The following RRBP1 variants were observed in gnomAD, a reference collection of about 807,000 sequenced individuals.
RRBP1 encodes ribosome binding protein 1, also known as ribosome-binding protein 1.
Under a neutral mutation model 165.2 loss-of-function variants are expected in RRBP1, and 94 were observed. The ratio of observed to expected loss-of-function variants is 0.57; its 90% CI spans 0.48 to 0.68. RRBP1 has a LOEUF of 0.68. Among genes scored for constraint, RRBP1 ranks in the 30% least tolerant of loss-of-function variants. The probability of loss-of-function intolerance (pLI) is 0.00; values close to 1 mark genes in which losing one functional copy is unlikely to be tolerated. For missense variants in RRBP1, 1,676 were observed against 1,763.0 expected (o/e 0.95, Z 0.88); for synonymous variants, 680 against 714.5 (o/e 0.95, Z 0.77).
intron 2 of RRBP1, among the ~76,000 whole-genome samples, chr20:17,673,857 A>G (rs750393285): frequency 6.6e-6 from 1 of 152,216 alleles, no homozygotes; most frequent in African/African-American, 2.4e-5. Flanking sequence ...CACATTACCA[A>G]TAAGACTTTT....
rs745656532 is a variant in RRBP1, at chr20:17,619,695, G to A, written c.3613C>T (p.Leu1205=). The change falls in exon 19 of 25, where the codon CTG becomes TTG. Residue 1205 remains leucine (L), a synonymous_variant. Coordinates refer to ENST00000377813, the MANE Select transcript of RRBP1 (RefSeq NM_001365613.2). Reference sequence around the variant, plus strand: ...CTGGCGGCCGCCATGTGCTTTTCCAGCTCTGCCTCCAAATGCGACGTGTGC... The same window carrying A: ...CTGGCGGCCGCCATGTGCTTTTCCAACTCTGCCTCCAAATGCGACGTGTGC... The part of the protein sequence containing the change: ...REHTSHLEAE[L]EKHMAAASAE... 6.2e-7 allele frequency: 1 copy of A among 1,613,018 alleles called. No homozygotes were observed. Among genetic ancestry groups the A allele is most frequent in the Non-Finnish European group, 8.5e-7 (1 of 1,179,824 alleles).
chr20:17,666,561 C>A (rs1364397183), intron 2 of RRBP1, among the ~76,000 whole-genome samples: 2 of 152,124 alleles, frequency 1.3e-5, no homozygotes, highest in South Asian at 2.1e-4. Context: ...TTTGTAGATT[C>A]TTTCTGATTT....
chr20:17,615,971 C>T lies in RRBP1; in HGVS notation c.3906G>A (p.Glu1302=), dbSNP rs780036021. 1.9e-6 allele frequency: 3 copies of T among 1,609,396 alleles called. No homozygotes were observed. In the South Asian group the frequency reaches 3.3e-5, roughly 18 times the overall value. Residue 1302 remains glutamate, a synonymous_variant, in exon 22 of 25, where the codon GAG becomes GAA. Coordinates refer to ENST00000377813, the MANE Select transcript of RRBP1 (RefSeq NM_001365613.2). ...TQLEWTEAIL[E]DEQTQRQKLT... is the part of the protein sequence containing the mutation. ...GCTTCTGCCGCTGTGTCTGCTCATC[C>T]TCCAGGATGGCTTCTGTCCACTCCA...
chr20:17,618,524 A>G (rs551453251), intron 20 of RRBP1, 72 bp downstream of exon 20: 6 of 1,158,370 alleles, frequency 5.2e-6, no homozygotes, highest in Non-Finnish European at 7.8e-6. Context: ...CAAACGCATG[A>G]CTGGCAAATG....
intron 12 of RRBP1, 54 bp from the exon 13 acceptor site, chr20:17,624,722 CT>C: frequency 3.8e-6 from 5 of 1,324,134 alleles, no homozygotes; most frequent in Non-Finnish European, 4.2e-6. Flanking sequence ...CACGGGCTGC[CT>C]AAGCTGGTGT....
intron 5 of RRBP1, among the ~76,000 whole-genome samples, chr20:17,637,814 C>G (rs6044925): frequency 0.03 from 4,633 of 152,246 alleles, 236 homozygotes; most frequent in African/African-American, 0.1. Flanking sequence ...GTGAGAGGCC[C>G]ACAGGAACCT....
chr20:17,648,841 T>TC (rs1317598929), intron 3 of RRBP1, among the ~76,000 whole-genome samples: 1 of 152,212 alleles, frequency 6.6e-6, no homozygotes, highest in Admixed American at 6.5e-5. Context: ...GCAAGGCCCT[T>TC]CCCAAGGCAC....
intron 9 of RRBP1, among the ~76,000 whole-genome samples, chr20:17,627,976 T>A (rs1411671131): frequency 1.3e-5 from 2 of 152,200 alleles, no homozygotes; most frequent in African/African-American, 4.8e-5. Context: ...CTGAGGCTTT[T>A]AAAGATTCAT....
In RRBP1 at chr20:17,627,378, C is replaced by G. The variant is rs758396658; in HGVS notation, c.2933G>C (p.Ser978Thr). The change falls in exon 11 of 25, where the codon AGC (serine) becomes ACC (threonine). Residue 978 changes from serine (S) to threonine (T), a missense_variant. Coordinates refer to ENST00000377813, the MANE Select transcript of RRBP1 (RefSeq NM_001365613.2). ...CTGCTGCTGGTCAGCCTCCGCCTGG[C>G]TGGCCTGGAATGAGAGACAAAAGCT... ...QARDAQDVQASQAEADQQQTR... is the reference protein window; with the variant it reads ...QARDAQDVQATQAEADQQQTR... The G allele has an allele frequency of 2.0e-5, 33 of 1,614,026 alleles. 1 individual carries two copies. The South Asian group carries it at 3.5e-4, about 17-fold the overall frequency.
At chr20:17,624,784 A>G in intron 12 of RRBP1, 116 bp from the exon 13 acceptor site, 2 of 720,332 alleles carry the variant, frequency 2.8e-6, no homozygotes, top group Non-Finnish European at 4.8e-6. Context: ...TGGCCCACAG[A>G]GGACCTGCCA....
In RRBP1 at chr20:17,659,772, G is replaced by A; in HGVS notation, c.736C>T (p.Pro246Ser). The stretch of plus-strand genomic sequence containing the variant: ...CCTTCTGCCTTTTTGCCTTGGTTTG[G>A]GGTTCCCTCTGCCTTTTTCCCTTGG... ...PNQGKKAEGT[P>S]NQGKKAEGTP... Residue 246 changes from proline to serine, a missense_variant, in exon 3 of 25, where the codon CCA (proline) becomes TCA (serine). Physicochemically the swap from Pro to Ser is moderately conservative, Grantham distance 74. Transcript: ENST00000377813. The A allele has an allele frequency of 6.4e-7, 1 of 1,550,446 alleles. No homozygotes were observed. The highest frequency in any genetic ancestry group is 8.7e-7 in the Non-Finnish European group (1 of 1,146,914).
chr20:17,619,615 C>A lies in RRBP1; in HGVS notation c.3675+18G>T. 1 of 1,595,882 alleles carries A rather than the reference C, an allele frequency of 6.3e-7. No individual in the cohort carries two copies. Among genetic ancestry groups the A allele is most frequent in the South Asian group, 1.1e-5 (1 of 89,222 alleles). Reference sequence around the variant, plus strand: ...GATCTGCTGGGCAGGGGCTGCACTCCTTGGGGGGCAGACTCACCCCTGCCA... The same window carrying A: ...GATCTGCTGGGCAGGGGCTGCACTCATTGGGGGGCAGACTCACCCCTGCCA... On this transcript the variant is annotated intron_variant, in intron 19 of 24. Transcript: ENST00000377813.
At position 17,618,514 on chromosome 20, in the gene RRBP1, C is replaced by G. The variant is rs144982920; in HGVS notation, c.3759+82G>C. 4 of 1,110,234 alleles carry G rather than the reference C, an allele frequency of 3.6e-6. No homozygotes were observed. The African/African-American group carries it at 4.6e-5, about 13-fold the overall frequency. 68.8% of individuals were successfully genotyped at this position (1,110,234 alleles called of 1,614,324 possible). On this transcript the variant is annotated intron_variant, in intron 20 of 24. Coordinates refer to ENST00000377813, the MANE Select transcript of RRBP1 (RefSeq NM_001365613.2). The stretch of plus-strand genomic sequence containing the variant: ...CCTAGGCTTTATCTTTGAGTGGACA[C>G]AAACGCATGACTGGCAAATGCATCT...
In RRBP1 at chr20:17,673,520, T is replaced by C. The variant is rs544202778; in HGVS notation, c.-22+6479A>G. ...GCCTCCCGGGTTCAATTGATTCTCC[T>C]GCCTCAGCCTCCCAAGTAGCTGCGA... On this transcript the variant is annotated intron_variant, in intron 2 of 24. Transcript: ENST00000377813. Among the ~76,000 whole-genome samples the C allele has an allele frequency of 9.4e-4, 143 of 152,312 alleles. 1 individual carries two copies. The highest frequency in any genetic ancestry group is 3.3e-3 in the African/African-American group (139 of 41,562).
At chr20:17,634,080 C>T (rs2036203484) in intron 7 of RRBP1, among the ~76,000 whole-genome samples, 1 of 152,188 alleles carries the variant, frequency 6.6e-6, no homozygotes, top group African/African-American at 2.4e-5. Context: ...CAAAACAGAC[C>T]CTTCAGGACT....
chr20:17,666,326 C>G (rs1653056156), intron 2 of RRBP1, among the ~76,000 whole-genome samples: 1 of 149,202 alleles, frequency 6.7e-6, no homozygotes, highest in African/African-American at 2.5e-5. Context: ...AGCATCATAG[C>G]AAGACCCTGT....
chr20:17,614,244 G>GA, intron 24 of RRBP1, 24 bp from the exon 25 acceptor site: 15 of 1,611,294 alleles, frequency 9.3e-6, no homozygotes, highest in Non-Finnish European at 1.3e-5. Context: ...CAGGTGGCGT[G>GA]AGGGGGGCTG....
rs913035081 is a variant in RRBP1, at chr20:17,643,091, T to C, written c.1949A>G (p.Tyr650Cys). 3.1e-6 allele frequency: 5 copies of C among 1,613,816 alleles called. No homozygotes were observed. Among genetic ancestry groups the C allele is most frequent in the Non-Finnish European group, 4.2e-6 (5 of 1,180,006 alleles). ...CCCAACCGTGGAGACCAGCGTCTTG[T>C]AGGGGAGGTAGAGAGGGCCGTCGGC... is the stretch of plus-strand genomic sequence containing the variant. ...PDADGPLYLPYKTLVSTVGSM... is the reference protein window; with the variant it reads ...PDADGPLYLPCKTLVSTVGSM... Residue 650 changes from tyrosine (Y) to cysteine (C), a missense_variant, in exon 4 of 25, where the codon TAC becomes TGC. Tyr to Cys is a radical substitution (Grantham distance 194). This residue lies in a region of RRBP1 where 1,184 missense variants were observed against 1,167.1 expected (regional missense o/e 1.01). Coordinates refer to ENST00000377813, the MANE Select transcript of RRBP1 (RefSeq NM_001365613.2). The surrounding 1 kb of genome is among the most constrained non-coding windows in gnomAD (Gnocchi z 4.3).
At chr20:17,669,628 A>C (rs374809820) in intron 2 of RRBP1, among the ~76,000 whole-genome samples, 40 of 152,340 alleles carry the variant, frequency 2.6e-4, no homozygotes, top group African/African-American at 8.9e-4. Flanking sequence ...TAAACAGAAC[A>C]ACCCAAGTTT....
Sources: gnomAD v4.1 joint callset for allele counts (sites outside exome capture counted in the v4.1 genomes callset) on GRCh38, gnomAD v4.1.1 for gene constraint, gnomAD v4.1.1 regional missense constraint, Gnocchi (gnomAD v3.1) non-coding constraint, MANE v1.5 for transcripts, NCBI Gene and HGNC (gene_info 2026-07-23, HGNC 2026-07-21) for gene names.